Variants in TUSC3 observed in about 807,000 individuals in gnomAD.
TUSC3 encodes dolichyl-diphosphooligosaccharide--protein glycosyltransferase subunit TUSC3.
Under a neutral mutation model 44.8 loss-of-function variants are expected in TUSC3, and 45 were observed. The ratio of observed to expected loss-of-function variants is 1.00; its 90% CI spans 0.79 to 1.29. TUSC3 has a LOEUF of 1.29. Ranked by LOEUF, TUSC3 falls within the 50% of genes most tolerant of loss-of-function variation. The pLI is 0.00. For missense variants in TUSC3, 519 were observed against 437.9 expected, an observed-to-expected ratio of 1.19 and a Z score of -1.65; for synonymous variants, 212 against 152.9, an observed-to-expected ratio of 1.39 and a Z score of -2.85.
At chr8:15,751,131 A>C (rs1811682252) in intron 9 of TUSC3, among the ~76,000 whole-genome samples, 1 of 152,148 alleles carries the variant, frequency 6.6e-6, no homozygotes, top group Non-Finnish European at 1.5e-5. Context: ...AGGCAAGCTA[A>C]ATAGAGTTTG....
intron 6 of TUSC3, among the ~76,000 whole-genome samples, chr8:15,720,882 G>A (rs1585265982): frequency 6.6e-6 from 1 of 152,006 alleles, no homozygotes; most frequent in Non-Finnish European, 1.5e-5. Context: ...TATGTTAAAA[G>A]GTTCCTTATT....
chr8:15,540,550 A>G lies in TUSC3; in HGVS notation c.120A>G (p.Gly40=), dbSNP rs1801647333. 1.3e-6 allele frequency: 2 copies of G among 1,591,760 alleles called. No homozygotes were observed. The highest frequency in any genetic ancestry group is 1.7e-5 in the Admixed American group (1 of 58,128). Residue 40 remains glycine (G), a synonymous_variant, in exon 1 of 11, where the codon GGA becomes GGG. Coordinates refer to ENST00000503731, the MANE Select transcript of TUSC3 (RefSeq NM_006765.4). ...TGCTGCTCTGCATCCAGCTCGGGGG[A>G]GGACAGAAGAAAAAGGAGGTAGAAT... ...LLLLLCIQLG[G]GQKKKENLLA...
chr8:15,820,361 G>C, the TUSC3 span, among the ~76,000 whole-genome samples: 1 of 146,484 alleles, frequency 6.8e-6, no homozygotes, highest in Non-Finnish European at 1.5e-5. Context: ...CGCCAAGCTG[G>C]AGTGCAGTGG....
chr8:15,844,430 C>T, the TUSC3 span, among the ~76,000 whole-genome samples: 1 of 151,740 alleles, frequency 6.6e-6, no homozygotes, highest in Non-Finnish European at 1.5e-5. Context: ...TAATATGTGG[C>T]CTAATAAATC....
chr8:15,499,073 C>G (rs553707780), intron 2 of TUSC3, among the ~76,000 whole-genome samples: 3 of 152,010 alleles, frequency 2.0e-5, no homozygotes, highest in African/African-American at 7.2e-5. Context: ...CTTGCCCCAA[C>G]TCTTGCCATC....
intron 2 of TUSC3, among the ~76,000 whole-genome samples, chr8:15,517,983 C>CAA (rs34752261): frequency 0.024 from 3,546 of 150,076 alleles, 53 homozygotes; most frequent in Middle Eastern, 0.042. Flanking sequence ...CAAGAACAAA[C>CAA]AAAAAAAAAC....
chr8:15,794,514 G>A, the TUSC3 span, among the ~76,000 whole-genome samples: 1 of 152,134 alleles, frequency 6.6e-6, no homozygotes, highest in Non-Finnish European at 1.5e-5. Flanking sequence ...CAACTTAGCT[G>A]GCCACCATTT....
intron 6 of TUSC3, among the ~76,000 whole-genome samples, chr8:15,697,800 A>T (rs1262424036): frequency 1.3e-5 from 2 of 152,130 alleles, no homozygotes. Flanking sequence ...ATTGTTTTAG[A>T]TTTGTTTTGA....
intron 1 of TUSC3, among the ~76,000 whole-genome samples, chr8:15,575,414 C>T (rs1563298260): frequency 1.3e-5 from 2 of 152,034 alleles, no homozygotes; most frequent in African/African-American, 4.8e-5. Context: ...AAATATCTAA[C>T]ATATGTGTGT....
At chr8:15,594,299 ATG>A (rs1485772326) in intron 1 of TUSC3, among the ~76,000 whole-genome samples, 1 of 151,928 alleles carries the variant, frequency 6.6e-6, no homozygotes, top group Non-Finnish European at 1.5e-5. Context: ...TGTATACTTA[ATG>A]TCTTGAGCAT....
At chr8:15,650,843 T>G (rs762859689) in intron 3 of TUSC3, 29 bp downstream of exon 3, 9 of 1,589,796 alleles carry the variant, frequency 5.7e-6, no homozygotes, top group Non-Finnish European at 6.9e-6. Context: ...TTCATATATT[T>G]AACATAGTTG....
At chr8:15,656,775 C>G (rs1446054821) in intron 3 of TUSC3, among the ~76,000 whole-genome samples, 1 of 152,212 alleles carries the variant, frequency 6.6e-6, no homozygotes, top group African/African-American at 2.4e-5. Context: ...GCCTCTGCAA[C>G]AAGTCTTTAT....
chr8:15,792,140 A>G, the TUSC3 span, among the ~76,000 whole-genome samples: 1 of 151,834 alleles, frequency 6.6e-6, no homozygotes, highest in Non-Finnish European at 1.5e-5. Context: ...ACACACACAC[A>G]CACACCCTCT....
At chr8:15,448,349 C>A (rs1051778891) in intron 1 of TUSC3, among the ~76,000 whole-genome samples, 1 of 151,840 alleles carries the variant, frequency 6.6e-6, no homozygotes, top group Non-Finnish European at 1.5e-5. Flanking sequence ...AAACTCCCAG[C>A]CTCAGGCAAT....
chr8:15,635,709 C>G (rs916354786), intron 2 of TUSC3, among the ~76,000 whole-genome samples: 1 of 152,192 alleles, frequency 6.6e-6, no homozygotes, highest in African/African-American at 2.4e-5. Context: ...GATGCCTTGA[C>G]TAGCATGGCT....
chr8:15,812,366 G>C, the TUSC3 span, among the ~76,000 whole-genome samples: 3 of 152,268 alleles, frequency 2.0e-5, no homozygotes, highest in South Asian at 6.2e-4. Flanking sequence ...AAATATGAAA[G>C]TGCACATATT....
chr8:15,806,362 G>C, the TUSC3 span: 21 of 734,502 alleles, frequency 2.9e-5, no homozygotes, highest in South Asian at 2.7e-4. Flanking sequence ...CTGCATTCCA[G>C]GTACTTGCCC....
chr8:15,556,946 T>C (rs1315592573), intron 1 of TUSC3, among the ~76,000 whole-genome samples: 1 of 149,876 alleles, frequency 6.7e-6, no homozygotes, highest in Non-Finnish European at 1.5e-5. Flanking sequence ...TTCTCCCATT[T>C]TGTAGGTTGC....
chr8:15,773,005 T>C, the TUSC3 span, among the ~76,000 whole-genome samples: 2 of 18,288 alleles, frequency 1.1e-4, no homozygotes, highest in Non-Finnish European at 2.3e-4. Flanking sequence ...GGATGAGTAT[T>C]TGTGAAAAAC....
Sources: allele counts gnomAD v4.1 joint callset (sites outside exome capture counted in the v4.1 genomes callset), GRCh38; gene constraint gnomAD v4.1.1; transcripts MANE v1.5; gene names NCBI Gene and HGNC (gene_info 2026-07-23, HGNC 2026-07-21).